Variants in XKR6 observed in about 807,000 individuals in gnomAD.
XKR6 encodes XK-related protein 6.
In XKR6, 22 loss-of-function variants were observed where a neutral mutation model predicts 56.7. That is an observed-to-expected ratio of 0.39 (90% CI 0.28 to 0.55). The LOEUF (loss-of-function observed/expected upper bound fraction) is 0.55, where lower values mean the gene tolerates loss of function less well. Ranked by LOEUF, XKR6 falls within the 20% of genes least tolerant of loss-of-function variation. The pLI is 0.66. For missense variants in XKR6, 852 were observed against 889.0 expected (o/e 0.96, Z 0.53); for synonymous variants, 524 against 387.8 (o/e 1.35, Z -4.13).
intron 1 of XKR6, among the ~76,000 whole-genome samples, chr8:10,955,672 T>C (rs1244375679): frequency 1.3e-5 from 2 of 152,180 alleles, no homozygotes; most frequent in East Asian, 3.8e-4. Flanking sequence ...GAACCCAAGC[T>C]ATGTGGTTCT....
intron 2 of XKR6, among the ~76,000 whole-genome samples, chr8:10,901,673 T>C (rs1298383417): frequency 6.6e-6 from 1 of 152,150 alleles, no homozygotes; most frequent in Non-Finnish European, 1.5e-5. Context: ...GAAGGCTTGA[T>C]TGTTGTGTTC....
At chr8:10,946,970 G>A (rs1180128620) in intron 1 of XKR6, among the ~76,000 whole-genome samples, 1 of 152,156 alleles carries the variant, frequency 6.6e-6, no homozygotes, top group Non-Finnish European at 1.5e-5. Flanking sequence ...GTTTGCGTGG[G>A]GACAGAGAGG....
intron 1 of XKR6, among the ~76,000 whole-genome samples, chr8:11,198,910 G>A (rs1313316657): frequency 1.4e-5 from 2 of 148,096 alleles, no homozygotes; most frequent in African/African-American, 2.5e-5. Context: ...ACAACCCCCA[G>A]CCCCCGCCCA....
chr8:10,932,231 C>T (rs1801071822), intron 1 of XKR6, among the ~76,000 whole-genome samples: 1 of 152,092 alleles, frequency 6.6e-6, no homozygotes, highest in South Asian at 2.1e-4. Flanking sequence ...GAATACAGAG[C>T]AACTAGAATG....
At chr8:10,967,296 T>G (rs1402433727) in intron 1 of XKR6, among the ~76,000 whole-genome samples, 1 of 152,212 alleles carries the variant, frequency 6.6e-6, no homozygotes, top group African/African-American at 2.4e-5. Flanking sequence ...TCCAGTGAGA[T>G]GACACCTGAG....
At chr8:10,955,201 C>T (rs1327149165) in intron 1 of XKR6, among the ~76,000 whole-genome samples, 3 of 151,978 alleles carry the variant, frequency 2.0e-5, no homozygotes, top group East Asian at 3.9e-4. Context: ...TGGATATCTA[C>T]TTGTGATTAT....
chr8:10,946,378 C>T (rs1301616628), intron 1 of XKR6, among the ~76,000 whole-genome samples: 2 of 152,136 alleles, frequency 1.3e-5, no homozygotes, highest in Non-Finnish European at 2.9e-5. Flanking sequence ...CCGCAGAGCC[C>T]ACCCGGGGCA....
intron 1 of XKR6, among the ~76,000 whole-genome samples, chr8:11,003,589 A>G (rs1201706011): frequency 6.6e-6 from 1 of 152,188 alleles, no homozygotes; most frequent in African/African-American, 2.4e-5. Flanking sequence ...TTTAATCCTC[A>G]AATAATCCTT....
At chr8:11,075,078 G>T (rs544253677) in intron 1 of XKR6, among the ~76,000 whole-genome samples, 1 of 152,306 alleles carries the variant, frequency 6.6e-6, no homozygotes, top group Non-Finnish European at 1.5e-5. Flanking sequence ...TAGTACAGGT[G>T]GGGAGGGAAG....
chr8:10,982,413 G>T (rs1303402272), intron 1 of XKR6, among the ~76,000 whole-genome samples: 1 of 152,162 alleles, frequency 6.6e-6, no homozygotes. Context: ...TGGGCTTCAG[G>T]TCCCACCTCT....
intron 1 of XKR6, among the ~76,000 whole-genome samples, chr8:11,165,302 G>C (rs1163936770): frequency 1.3e-5 from 2 of 151,992 alleles, no homozygotes; most frequent in African/African-American, 4.8e-5. Context: ...GTTTCACCAT[G>C]TTGGCCAGGC....
chr8:10,949,721 C>G (rs4841464), intron 1 of XKR6, among the ~76,000 whole-genome samples: 4 of 152,144 alleles, frequency 2.6e-5, no homozygotes, highest in Non-Finnish European at 5.9e-5. Flanking sequence ...AGTCAAGGAC[C>G]GGTGCCTACA....
At chr8:11,079,820 T>C (rs1187498538) in intron 1 of XKR6, among the ~76,000 whole-genome samples, 5 of 151,940 alleles carry the variant, frequency 3.3e-5, no homozygotes, top group African/African-American at 1.2e-4. Context: ...TTTAAAAAAT[T>C]AGCTGGCATG....
At chr8:11,192,229 G>T (rs1246758978) in intron 1 of XKR6, among the ~76,000 whole-genome samples, 1 of 151,982 alleles carries the variant, frequency 6.6e-6, no homozygotes, top group Non-Finnish European at 1.5e-5. Context: ...CACGATCTGG[G>T]CTCACTGCAA....
At chr8:11,023,959 A>T (rs1226412935) in intron 1 of XKR6, among the ~76,000 whole-genome samples, 2 of 152,180 alleles carry the variant, frequency 1.3e-5, no homozygotes, top group East Asian at 3.8e-4. Flanking sequence ...GGGTGGGGGA[A>T]TTGTGGCTGC....
intron 1 of XKR6, among the ~76,000 whole-genome samples, chr8:10,948,344 T>C (rs1370449252): frequency 6.6e-6 from 1 of 152,176 alleles, no homozygotes; most frequent in Non-Finnish European, 1.5e-5. Context: ...CTGTGGAAGA[T>C]GCCCAGCACC....
At chr8:11,030,027 G>A (rs562968032) in intron 1 of XKR6, among the ~76,000 whole-genome samples, 7 of 152,070 alleles carry the variant, frequency 4.6e-5, no homozygotes, top group South Asian at 2.1e-4. Context: ...TCCACAACCC[G>A]CTATGGCTCC....
At chr8:10,909,907 C>G (rs1009758485) in intron 2 of XKR6, among the ~76,000 whole-genome samples, 29 of 151,656 alleles carry the variant, frequency 1.9e-4, no homozygotes, top group Non-Finnish European at 2.9e-5. Context: ...AATTGAGGCT[C>G]AGGGAGGTAA....
At chr8:11,069,289 C>T (rs1183287998) in intron 1 of XKR6, among the ~76,000 whole-genome samples, 2 of 152,182 alleles carry the variant, frequency 1.3e-5, no homozygotes, top group Non-Finnish European at 2.9e-5. Context: ...GGCCTTCTGC[C>T]TCCCAGAAGC....
Sources: allele counts gnomAD v4.1 joint callset (sites outside exome capture counted in the v4.1 genomes callset), GRCh38; gene constraint gnomAD v4.1.1; transcripts MANE v1.5; gene names NCBI Gene and HGNC (gene_info 2026-07-23, HGNC 2026-07-21).